ATXN7L1: variants seen among roughly 807,000 people sequenced by gnomAD.
ATXN7L1 encodes the protein ataxin 7 like 1, also known as ataxin-7-like protein 1.
Under a neutral mutation model 70.8 loss-of-function variants are expected in ATXN7L1, and 15 were observed. The observed-to-expected ratio is 0.21, with a 90% CI of 0.14 to 0.33. The LOEUF is 0.33. Among genes scored for constraint, ATXN7L1 ranks in the 10% least tolerant of loss-of-function variants. The pLI, the probability that ATXN7L1 is intolerant of heterozygous loss-of-function variation, is 1.00. For synonymous variants in ATXN7L1, 440 were observed against 445.1 expected (o/e 0.99, Z 0.14); for missense variants, 975 against 1,097.1 (o/e 0.89, Z 1.57).
chr7:105,722,168 C>T (rs1305126503), intron 3 of ATXN7L1, among the ~76,000 whole-genome samples: 3 of 152,172 alleles, frequency 2.0e-5, no homozygotes, highest in African/African-American at 7.2e-5. Context: ...TACTACCATG[C>T]CCTCAGACAT....
chr7:105,682,268 G>A (rs1256711313), intron 3 of ATXN7L1, among the ~76,000 whole-genome samples: 1 of 152,096 alleles, frequency 6.6e-6, no homozygotes, highest in Non-Finnish European at 1.5e-5. Flanking sequence ...GGATGGTGGT[G>A]ATGGTTGCAT....
At chr7:105,875,751 C>A in intron 2 of ATXN7L1, 61 bp downstream of exon 2, 3 of 1,497,492 alleles carry the variant, frequency 2.0e-6, no homozygotes. Context: ...ACATTATATT[C>A]GAAATCCTGT....
At chr7:105,850,807 TGCCCTCAGTGGGG>T (rs1307339132) in intron 2 of ATXN7L1, among the ~76,000 whole-genome samples, 2 of 152,108 alleles carry the variant, frequency 1.3e-5, no homozygotes, top group Non-Finnish European at 1.5e-5. Flanking sequence ...ACTCTGCAAA[TGCCCTCAGTGGGG>T]GCCCTGGTGT....
chr7:105,727,777 T>TACAC lies in ATXN7L1; in HGVS notation c.355+60823_355+60826dup, dbSNP rs1274006496. 1.4e-3 allele frequency among the ~76,000 whole-genome samples: 125 copies of TACAC among 90,110 alleles called. 1 individual carries two copies. The highest frequency in any genetic ancestry group is 1.9e-3 in the East Asian group (6 of 3,156). 59.1% of individuals were successfully genotyped at this position (90,110 alleles called of 152,430 possible). A position where few individuals can be genotyped will look rare whatever the true frequency, so the allele number is the denominator to read the frequency against. ...ATATATATATATATATATATATATA[T>TACAC]ACACACACATACACACATATATATA... On this transcript the variant is annotated intron_variant, in intron 3 of 11. Transcript: ENST00000419735.
intron 3 of ATXN7L1, among the ~76,000 whole-genome samples, chr7:105,669,229 G>A (rs1227850167): frequency 6.6e-6 from 1 of 152,042 alleles, no homozygotes; most frequent in Non-Finnish European, 1.5e-5. Context: ...TTACAGGTAC[G>A]CACCACCATG....
intron 2 of ATXN7L1, among the ~76,000 whole-genome samples, chr7:105,811,008 T>G (rs553148346): frequency 1.2e-4 from 18 of 152,340 alleles, no homozygotes; most frequent in African/African-American, 4.1e-4. Flanking sequence ...ATGAAGTGGC[T>G]ATCAGCTAAC....
intron 7 of ATXN7L1, among the ~76,000 whole-genome samples, chr7:105,636,557 T>A (rs928401966): frequency 3.3e-5 from 5 of 151,656 alleles, no homozygotes; most frequent in Non-Finnish European, 7.4e-5. Flanking sequence ...TCTCTATAGA[T>A]GAACATTCCC....
At chr7:105,811,720 T>C (rs552793572) in intron 2 of ATXN7L1, among the ~76,000 whole-genome samples, 1 of 152,236 alleles carries the variant, frequency 6.6e-6, no homozygotes, top group South Asian at 2.1e-4. Context: ...CCTGGGGCAC[T>C]CCAAAGCTGA....
intron 2 of ATXN7L1, among the ~76,000 whole-genome samples, chr7:105,850,639 C>A (rs1260920895): frequency 6.6e-6 from 1 of 152,212 alleles, no homozygotes; most frequent in Non-Finnish European, 1.5e-5. Context: ...GAAGAACGAG[C>A]ACAGAGCGAG....
intron 2 of ATXN7L1, among the ~76,000 whole-genome samples, chr7:105,795,032 C>T (rs896440558): frequency 2.0e-5 from 3 of 152,212 alleles, no homozygotes; most frequent in African/African-American, 7.2e-5. Context: ...CAGCCTGCTT[C>T]CCAATAGCAC....
chr7:105,766,845 G>A (rs924124292), intron 3 of ATXN7L1, among the ~76,000 whole-genome samples: 3 of 152,226 alleles, frequency 2.0e-5, no homozygotes, highest in Non-Finnish European at 2.9e-5. Flanking sequence ...ACCAGCTTCC[G>A]TGCCAGGAGC....
intron 2 of ATXN7L1, among the ~76,000 whole-genome samples, chr7:105,794,925 G>A (rs976379745): frequency 2.0e-5 from 3 of 152,168 alleles, no homozygotes; most frequent in Non-Finnish European, 2.9e-5. Flanking sequence ...CCTCTGTTTC[G>A]AGCAAGCAGC....
rs1364412052 is a variant in ATXN7L1 at position 105,610,598 on chromosome 7, C to T, written c.2478G>A (p.Gly826=). The change falls in exon 11 of 12, where the codon GGG becomes GGA. Residue 826 remains glycine, a synonymous_variant. Transcript: ENST00000419735. ...GTGACAAAGCTAGGCTGCTATTTTT[C>T]CCAACCTGAAAGACACCATTGAAGC... The part of the protein sequence containing the change: ...PVNSTSSRQV[G]KNSSLALSQS... 4 of 1,549,170 alleles carry T rather than the reference C, an allele frequency of 2.6e-6. No individual in the cohort carries two copies. Among genetic ancestry groups the T allele is most frequent in the East Asian group, 4.9e-5 (2 of 40,792 alleles).
Position 105,678,033 on chromosome 7 carries a change from G to C in ATXN7L1, c.356-12745C>G, listed in dbSNP as rs1265427459. 3.0e-6 allele frequency: 3 copies of C among 984,816 alleles called. No individual in the cohort carries two copies. The East Asian group carries it at 3.4e-4, about 112-fold the overall frequency. 61.0% of individuals were successfully genotyped at this position (984,816 alleles called of 1,614,324 possible). A position where few individuals can be genotyped will look rare whatever the true frequency, so the allele number is the denominator to read the frequency against. On this transcript the variant is annotated intron_variant, in intron 3 of 11. Transcript: ENST00000419735. Reference sequence around the variant, plus strand: ...AGTGGCAGTTGGCAGCGGCAAACAGGAAGTTGTCTTGAAGTAGGGTGTGGT... The same window carrying C: ...AGTGGCAGTTGGCAGCGGCAAACAGCAAGTTGTCTTGAAGTAGGGTGTGGT...
intron 3 of ATXN7L1, among the ~76,000 whole-genome samples, chr7:105,672,928 T>G (rs1378150974): frequency 6.6e-6 from 1 of 152,258 alleles, no homozygotes; most frequent in Non-Finnish European, 1.5e-5. Context: ...TTTACTTTTG[T>G]GCATTTCCAC....
At chr7:105,741,879 G>T (rs1186178597) in intron 3 of ATXN7L1, among the ~76,000 whole-genome samples, 1 of 152,146 alleles carries the variant, frequency 6.6e-6, no homozygotes, top group Non-Finnish European at 1.5e-5. Flanking sequence ...ACAAGCCAAG[G>T]AATGCCCAAG....
chr7:105,708,749 T>G (rs1031733428), intron 3 of ATXN7L1, among the ~76,000 whole-genome samples: 4 of 152,246 alleles, frequency 2.6e-5, no homozygotes, highest in Admixed American at 2.6e-4. Context: ...TATTAGCATA[T>G]GTCCAAGAAA....
intron 11 of ATXN7L1, among the ~76,000 whole-genome samples, chr7:105,610,012 C>T (rs771262964): frequency 2.0e-5 from 3 of 152,114 alleles, no homozygotes; most frequent in Non-Finnish European, 4.4e-5. Flanking sequence ...ACCTTGTGAT[C>T]TACCTGCCTC....
chr7:105,735,593 C>T (rs1797287289), intron 3 of ATXN7L1, among the ~76,000 whole-genome samples: 1 of 152,126 alleles, frequency 6.6e-6, no homozygotes, highest in Non-Finnish European at 1.5e-5. Context: ...CAACAAACAC[C>T]ACATAGGCCT....
Sources: gnomAD v4.1 joint callset for allele counts (sites outside exome capture counted in the v4.1 genomes callset) on GRCh38, gnomAD v4.1.1 for gene constraint, MANE v1.5 for transcripts, NCBI Gene and HGNC (gene_info 2026-07-23, HGNC 2026-07-21) for gene names.